Variants in EPAS1 observed in about 807,000 individuals in gnomAD.
The protein encoded by EPAS1 is endothelial PAS domain protein 1, also known as endothelial PAS domain-containing protein 1.
Under a neutral mutation model 87.9 loss-of-function variants are expected in EPAS1, and 23 were observed. That is an observed-to-expected ratio of 0.26 (90% confidence interval 0.19 to 0.37). The LOEUF (loss-of-function observed/expected upper bound fraction) is 0.37. EPAS1 is among the 10% of genes least tolerant of loss of function. The probability of loss-of-function intolerance (pLI) is 1.00; values close to 1 mark genes in which losing one functional copy is unlikely to be tolerated. For synonymous variants in EPAS1, 508 were observed against 444.3 expected, an observed-to-expected ratio of 1.14 and a Z score of -1.80; for missense variants, 1,138 against 1,120.7, an observed-to-expected ratio of 1.02 and a Z score of -0.22.
intron 9 of EPAS1, 34 bp from the exon 10 acceptor site, chr2:46,377,860 T>C (rs7608620): frequency 1.3e-6 from 2 of 1,551,698 alleles, no homozygotes; most frequent in South Asian, 1.2e-5. Flanking sequence ...CCGATGGTTG[T>C]GGGTGTTCAC....
rs78037466 is a variant in EPAS1 at position 46,354,304 on chromosome 2, A to T, written c.218-1847A>T. Among the ~76,000 whole-genome samples, 511 of 152,284 alleles carry T rather than the reference A, an allele frequency of 3.4e-3. 4 individuals carry two copies. The highest frequency in any genetic ancestry group is 0.012 in the African/African-American group (485 of 41,558). Reference sequence around the variant, plus strand: ...ACTCCTTTTAGTTCAGTGAATGTTAATGTTTGCAACTGACATATTACTCTC... The same window carrying T: ...ACTCCTTTTAGTTCAGTGAATGTTATTGTTTGCAACTGACATATTACTCTC... On this transcript the variant is annotated intron_variant, in intron 2 of 15. Coordinates refer to ENST00000263734, the MANE Select transcript of EPAS1 (RefSeq NM_001430.5).
At chr2:46,370,766 G>A (rs1489080284) in intron 7 of EPAS1, among the ~76,000 whole-genome samples, 1 of 152,206 alleles carries the variant, frequency 6.6e-6, no homozygotes, top group African/African-American at 2.4e-5. Flanking sequence ...GTTCTAGAGT[G>A]TATCCTTGGC....
In EPAS1 at chr2:46,385,133, G is replaced by A. The variant is rs543361789; in HGVS notation, c.*473G>A. On this transcript the variant is annotated 3_prime_UTR_variant, in exon 16 of 16. Transcript: ENST00000263734. The stretch of plus-strand genomic sequence containing the variant: ...AAGCTTGGTTTGTGGCGTCTCCCTC[G>A]CAGAGCCCTTCTCGTTTCTTTTTTA... 7 of 167,714 alleles carry A rather than the reference G, an allele frequency of 4.2e-5. No homozygotes were observed. In the South Asian group the frequency reaches 4.4e-4, roughly 11 times the overall value. 10.4% of individuals were successfully genotyped at this position (167,714 alleles called of 1,614,324 possible). A position where few individuals can be genotyped will look rare whatever the true frequency, so the allele number is the denominator to read the frequency against.
At chr2:46,299,858 A>G (rs1226654867) in intron 1 of EPAS1, among the ~76,000 whole-genome samples, 1 of 152,224 alleles carries the variant, frequency 6.6e-6, no homozygotes, top group Non-Finnish European at 1.5e-5. Flanking sequence ...AGCGGGAAGA[A>G]CGTTGCGTAA....
At chr2:46,313,740 G>T (rs895134363) in intron 1 of EPAS1, among the ~76,000 whole-genome samples, 1 of 152,070 alleles carries the variant, frequency 6.6e-6, no homozygotes, top group African/African-American at 2.4e-5. Context: ...CATGAGCCAC[G>T]GTGACCAGCC....
At chr2:46,369,792 T>C in intron 6 of EPAS1, 35 bp from the exon 7 acceptor site, 1 of 1,539,948 alleles carries the variant, frequency 6.5e-7, no homozygotes, top group Non-Finnish European at 9.0e-7. Context: ...TAATATGGTC[T>C]TTCTTCCTTA....
In EPAS1 at chr2:46,347,355, C is replaced by G. The variant is rs767744237; in HGVS notation, c.217+292C>G. 6.7e-5 allele frequency: 33 copies of G among 490,568 alleles called. No homozygotes were observed. Among genetic ancestry groups the G allele is most frequent in the Non-Finnish European group, 7.5e-6 (2 of 267,584 alleles). The allele number at this position is 490,568 out of a possible 1,614,324, so 30.4% of individuals were successfully genotyped here. A position where few individuals can be genotyped will look rare whatever the true frequency, so the allele number is the denominator to read the frequency against. ...CTGGGAGAACCAAGGACGGCTTTTG[C>G]TGACTTCTCAATTTGTTGCCATCTG... On this transcript the variant is annotated intron_variant, in intron 2 of 15. Coordinates refer to ENST00000263734, the MANE Select transcript of EPAS1 (RefSeq NM_001430.5). The surrounding 1 kb of genome is among the most constrained non-coding windows in gnomAD (Gnocchi z 4.2).
chr2:46,352,573 T>A (rs1023028207), intron 2 of EPAS1, among the ~76,000 whole-genome samples: 1 of 152,122 alleles, frequency 6.6e-6, no homozygotes. Flanking sequence ...TTCAGCAGAT[T>A]TGTGACATGA....
chr2:46,349,078 G>T (rs1355015432), intron 2 of EPAS1, among the ~76,000 whole-genome samples: 1 of 152,192 alleles, frequency 6.6e-6, no homozygotes, highest in Non-Finnish European at 1.5e-5. Flanking sequence ...ACATGGGACA[G>T]CAAGAGCATT....
intron 1 of EPAS1, among the ~76,000 whole-genome samples, chr2:46,337,121 T>G (rs1476026232): frequency 6.6e-6 from 1 of 152,216 alleles, no homozygotes; most frequent in Non-Finnish European, 1.5e-5. Flanking sequence ...TTATCCGATG[T>G]CTCCAGTTTG....
Position 46,384,593 on chromosome 2 carries a change from C to A in EPAS1, c.2546C>A (p.Pro849His). Residue 849 changes from proline to histidine, a missense_variant, in exon 16 of 16, where the codon CCC becomes CAC. Pro to His is a moderately conservative substitution (Grantham distance 77, BLOSUM62 -2). Around this residue, in one of 4 missense-constraint regions of EPAS1, gnomAD observed 502 missense variants for 427.1 expected, o/e 1.18. Coordinates refer to ENST00000263734, the MANE Select transcript of EPAS1 (RefSeq NM_001430.5). ...LTRYDCEVNV[P>H]VLGSSTLLQG... ...AGATATGACTGTGAGGTGAACGTGC[C>A]CGTGCTGGGAAGCTCCACGCTCCTG... The A allele has an allele frequency of 6.2e-7, 1 of 1,614,144 alleles. No homozygotes were observed. The highest frequency in any genetic ancestry group is 8.5e-7 in the Non-Finnish European group (1 of 1,180,038).
At chr2:46,384,417 G>T in intron 15 of EPAS1, 92 bp from the exon 16 acceptor site, 1 of 1,561,514 alleles carries the variant, frequency 6.4e-7, no homozygotes, top group Non-Finnish European at 8.8e-7. Flanking sequence ...AATTAGGGCT[G>T]CTCTATTGGT....
intron 1 of EPAS1, among the ~76,000 whole-genome samples, chr2:46,324,181 C>G (rs1325392056): frequency 6.6e-6 from 1 of 152,178 alleles, no homozygotes; most frequent in African/African-American, 2.4e-5. Context: ...ATTCTCCTTC[C>G]TCACCCTCCT....
chr2:46,342,200 G>A (rs1420512341), intron 1 of EPAS1, among the ~76,000 whole-genome samples: 1 of 152,134 alleles, frequency 6.6e-6, no homozygotes. Flanking sequence ...GAGAACCACC[G>A]ACTTTGGTTC....
chr2:46,380,010 T>TAAAC lies in EPAS1; in HGVS notation c.1555-215_1555-212dup. 1 of 707,538 alleles carries TAAAC rather than the reference T, an allele frequency of 1.4e-6. No individual in the cohort carries two copies. The highest frequency in any genetic ancestry group is 1.6e-5 in the South Asian group (1 of 61,280). The allele number at this position is 707,538 out of a possible 1,614,324, so 43.8% of individuals were successfully genotyped here. A position where few individuals can be genotyped will look rare whatever the true frequency, so the allele number is the denominator to read the frequency against. On this transcript the variant is annotated intron_variant, in intron 11 of 15. Transcript: ENST00000263734. This position sits in a 1 kb window ranked among gnomAD's most constrained non-coding sequence, Gnocchi z 4.4. Reference sequence around the variant, plus strand: ...CTCAATGTGCAGGGTGAAGAGGGGATAAACATGGGGGAAGGCTGGTACATG... The same window carrying TAAAC: ...CTCAATGTGCAGGGTGAAGAGGGGATAAACAAACATGGGGGAAGGCTGGTACATG...
rs758177159 is a variant in EPAS1 at position 46,380,705 on chromosome 2, C to T, written c.2033C>T (p.Thr678Ile). 6.2e-7 allele frequency: 1 copy of T among 1,612,070 alleles called. No individual in the cohort carries two copies. The part of the protein sequence containing the change: ...GPPVSPPHVS[T>I]FKTRSAKGFG... The stretch of plus-strand genomic sequence containing the variant: ...CCTGTCTCTCCACCCCATGTCTCCA[C>T]CTTCAAGACAAGGTAAGTGGCAGAT... The change falls in exon 12 of 16, where the codon ACC (threonine) becomes ATC (isoleucine). Residue 678 changes from threonine (T) to isoleucine (I), a missense_variant. Physicochemically the swap from Thr to Ile is moderately conservative, Grantham distance 89 (BLOSUM62 -1). Coordinates refer to ENST00000263734, the MANE Select transcript of EPAS1 (RefSeq NM_001430.5). This position sits in a 1 kb window ranked among gnomAD's most constrained non-coding sequence, Gnocchi z 4.4.
At chr2:46,321,293 A>G (rs1683450563) in intron 1 of EPAS1, among the ~76,000 whole-genome samples, 1 of 152,230 alleles carries the variant, frequency 6.6e-6, no homozygotes, top group Admixed American at 6.5e-5. Flanking sequence ...GTCAAGGGAC[A>G]TTTGAGTTGT....
At chr2:46,345,531 C>T (rs1365762020) in intron 1 of EPAS1, among the ~76,000 whole-genome samples, 4 of 152,020 alleles carry the variant, frequency 2.6e-5, no homozygotes, top group African/African-American at 9.7e-5. Context: ...CTGGAGGCCA[C>T]AGGTAAATTA....
intron 2 of EPAS1, 22 bp from the exon 3 acceptor site, chr2:46,356,129 T>TCCCCCCCCCCCC: frequency 8.0e-7 from 1 of 1,242,736 alleles, no homozygotes; most frequent in Non-Finnish European, 1.1e-6. Flanking sequence ...ATGCAAGCTG[T>TCCCCCCCCCCCC]CCCACCCCCC....
Sources: gnomAD v4.1 joint callset for allele counts (sites outside exome capture counted in the v4.1 genomes callset) on GRCh38, gnomAD v4.1.1 for gene constraint, gnomAD v4.1.1 regional missense constraint, Gnocchi (gnomAD v3.1) non-coding constraint, MANE v1.5 for transcripts, NCBI Gene and HGNC (gene_info 2026-07-23, HGNC 2026-07-21) for gene names.